The following CYTH4 variants were observed in gnomAD, a reference collection of about 807,000 sequenced individuals.
CYTH4 encodes the protein cytohesin 4.
CYTH4 carries 22 observed loss-of-function variants against 57.5 expected under a neutral mutation model. That is an observed-to-expected ratio of 0.38 (90% CI 0.27 to 0.55). The LOEUF (loss-of-function observed/expected upper bound fraction) is 0.55. Ranked by LOEUF, CYTH4 falls within the 20% of genes least tolerant of loss-of-function variation. The pLI, the probability that CYTH4 is intolerant of heterozygous loss-of-function variation, is 0.74. For missense variants in CYTH4, 420 were observed against 535.6 expected (o/e 0.78, Z 2.13); for synonymous variants, 186 against 206.5 (o/e 0.90, Z 0.85).
chr22:37,308,848 A>G (rs767215678), intron 8 of CYTH4, among the ~76,000 whole-genome samples: 1 of 148,958 alleles, frequency 6.7e-6, no homozygotes, highest in Non-Finnish European at 1.5e-5. Flanking sequence ...GTGTGCCTGC[A>G]TGTGTGTGAA....
chr22:37,296,012 A>T lies in CYTH4; in HGVS notation c.181A>T (p.Lys61Ter). ...ESAEESRMAQ[K>*]EKELCIGRKK... Reference sequence around the variant, plus strand: ...TCATGTCCACAGCCGGATGGCCCAGAAGGAGAAGGAGCTGTGTATTGGGCG... The same window carrying T: ...TCATGTCCACAGCCGGATGGCCCAGTAGGAGAAGGAGCTGTGTATTGGGCG... Residue 61 changes from lysine to a stop codon, truncating the protein, a stop_gained, in exon 4 of 13, where the codon AAG becomes TAG. Coordinates refer to ENST00000248901, the MANE Select transcript of CYTH4 (RefSeq NM_013385.5). LOFTEE classifies it high-confidence loss of function. 1 of 1,613,236 alleles carries T rather than the reference A, an allele frequency of 6.2e-7. No homozygotes were observed. Among genetic ancestry groups the T allele is most frequent in the Non-Finnish European group, 8.5e-7 (1 of 1,179,582 alleles).
rs189881593 is a variant in CYTH4, at chr22:37,308,814, A to G, written c.697-398A>G. Among the ~76,000 whole-genome samples, 314 of 151,748 alleles carry G rather than the reference A, an allele frequency of 2.1e-3. 3 individuals carry two copies. The highest frequency in any genetic ancestry group is 7.2e-3 in the African/African-American group (296 of 41,384). On this transcript the variant is annotated intron_variant, in intron 8 of 12. Transcript: ENST00000248901. ...TGTGAACATGCATGTGTGTGCATGT[A>G]TGTGTGAGCATGCATTTATATAAGT...
In CYTH4 at chr22:37,292,631, G is replaced by T. The variant is rs778127039; in HGVS notation, c.30G>T (p.Glu10Asp). 6.2e-7 allele frequency: 1 copy of T among 1,613,898 alleles called. No homozygotes were observed. The highest frequency in any genetic ancestry group is 8.5e-7 in the Non-Finnish European group (1 of 1,179,950). The change falls in exon 2 of 13, where the codon GAG becomes GAT. Residue 10 changes from glutamate (E) to aspartate (D), a missense_variant. Physicochemically the swap from Glu to Asp is conservative, Grantham distance 45. Coordinates refer to ENST00000248901, the MANE Select transcript of CYTH4 (RefSeq NM_013385.5). MDLCHPEPA[E>D]LSSGETEELQ... is the part of the protein sequence containing the mutation. The stretch of plus-strand genomic sequence containing the variant: ...GTTGTCTCTCTGTAGAGCCCGCGGA[G>T]CTGAGCAGCGGGGAGACGGAAGAGT...
At position 37,298,030 on chromosome 22, in the gene CYTH4, G is replaced by C; in HGVS notation, c.353+348G>C. On this transcript the variant is annotated intron_variant, in intron 5 of 12. Coordinates refer to ENST00000248901, the MANE Select transcript of CYTH4 (RefSeq NM_013385.5). The surrounding 1 kb of genome is among the most constrained non-coding windows in gnomAD (Gnocchi z 4.1). ...ATAGTTGTAAAATATGTTAGAGAAT[G>C]ATAAGCTCTGTGGAATACAAATCGA... 1 of 198,438 alleles carries C rather than the reference G, an allele frequency of 5.0e-6. No homozygotes were observed. Among genetic ancestry groups the C allele is most frequent in the South Asian group, 7.6e-5 (1 of 13,210 alleles). The allele number at this position is 198,438 out of a possible 1,614,324, so 12.3% of individuals were successfully genotyped here.
chr22:37,292,874 C>A (rs1928802467), intron 2 of CYTH4, among the ~76,000 whole-genome samples, 171 bp downstream of exon 2: 2 of 152,162 alleles, frequency 1.3e-5, no homozygotes, highest in Non-Finnish European at 2.9e-5. Flanking sequence ...ACTGCAGACA[C>A]CCCGAGACCC....
chr22:37,308,696 ATG>A (rs368870325), intron 8 of CYTH4, among the ~76,000 whole-genome samples: 30 of 137,640 alleles, frequency 2.2e-4, no homozygotes, highest in South Asian at 9.8e-4. Flanking sequence ...GTATGCATGT[ATG>A]TGTGAGCATG....
intron 8 of CYTH4, among the ~76,000 whole-genome samples, chr22:37,308,265 G>A (rs1005629365): frequency 1.3e-5 from 2 of 152,216 alleles, no homozygotes; most frequent in African/African-American, 2.4e-5. Context: ...TTTTGCCAAG[G>A]TTGCTGTGCC....
intron 1 of CYTH4, among the ~76,000 whole-genome samples, chr22:37,286,114 G>C (rs1225735017): frequency 6.6e-6 from 1 of 152,274 alleles, no homozygotes; most frequent in Admixed American, 6.5e-5. Flanking sequence ...GTTGGGTGGG[G>C]GCAACTGCAG....
At chr22:37,300,282 T>C (rs1463199883) in intron 6 of CYTH4, 1 of 714,178 alleles carries the variant, frequency 1.4e-6, no homozygotes, top group Non-Finnish European at 2.6e-6. Flanking sequence ...GTAGGTGACT[T>C]GGGAGTCTCC....
In CYTH4 at chr22:37,311,356, C is replaced by T. The variant is rs1052109644; in HGVS notation, c.886-100C>T. On this transcript the variant is annotated intron_variant, in intron 10 of 12. Transcript: ENST00000248901. This position sits in a 1 kb window ranked among gnomAD's most constrained non-coding sequence, Gnocchi z 4.4. ...ACTGGACAGTCTCGGAAGATGAGCA[C>T]GCTCCTCTTTGAGTTTGGGGAACCC... 24 of 1,047,054 alleles carry T rather than the reference C, an allele frequency of 2.3e-5. No individual in the cohort carries two copies. Among genetic ancestry groups the T allele is most frequent in the Middle Eastern group, 2.0e-4 (1 of 4,914 alleles). The allele number at this position is 1,047,054 out of a possible 1,614,324, so 64.9% of individuals were successfully genotyped here. A position where few individuals can be genotyped will look rare whatever the true frequency, so the allele number is the denominator to read the frequency against.
At position 37,303,325 on chromosome 22, in the gene CYTH4, A is replaced by G. The variant is rs1929258792; in HGVS notation, c.619A>G (p.Arg207Gly). The change falls in exon 8 of 13, where the codon AGG becomes GGG. Residue 207 changes from arginine (R) to glycine (G), a missense_variant. Coordinates refer to ENST00000248901, the MANE Select transcript of CYTH4 (RefSeq NM_013385.5). ...CCTCCACAATCCCAACGTCCGGGAC[A>G]GGCCGCCTTTTGAGCGCTTTGTGTC... ...TSLHNPNVRDRPPFERFVSMN... is the reference protein window; with the variant it reads ...TSLHNPNVRDGPPFERFVSMN... 1 of 1,614,090 alleles carries G rather than the reference A, an allele frequency of 6.2e-7. No individual in the cohort carries two copies.
In CYTH4 at chr22:37,313,617, T is replaced by A. The variant is rs912767965; in HGVS notation, c.*106T>A. 13 of 1,020,630 alleles carry A rather than the reference T, an allele frequency of 1.3e-5. No individual in the cohort carries two copies. Among genetic ancestry groups the A allele is most frequent in the Admixed American group, 5.7e-5 (3 of 52,360 alleles). 63.2% of individuals were successfully genotyped at this position (1,020,630 alleles called of 1,614,324 possible). A position where few individuals can be genotyped will look rare whatever the true frequency, so the allele number is the denominator to read the frequency against. ...AGTGCACTCTTTTGGGCCACAGACA[T>A]CATTGCTGTTCCCCGTTACCTCGAG... On this transcript the variant is annotated 3_prime_UTR_variant, in exon 13 of 13. Coordinates refer to ENST00000248901, the MANE Select transcript of CYTH4 (RefSeq NM_013385.5).
At chr22:37,309,576 ACAGAC>A (rs1929560999) in intron 9 of CYTH4, among the ~76,000 whole-genome samples, 1 of 152,176 alleles carries the variant, frequency 6.6e-6, no homozygotes, top group African/African-American at 2.4e-5. Flanking sequence ...CGAGAGGCAG[ACAGAC>A]CCACTGACAA....
intron 2 of CYTH4, among the ~76,000 whole-genome samples, chr22:37,294,307 T>G (rs924553113): frequency 1.2e-4 from 18 of 149,500 alleles, no homozygotes; most frequent in African/African-American, 4.0e-4. Context: ...GCTTGTCGGG[T>G]AGGCTCGGCT....
intron 5 of CYTH4, chr22:37,297,955 CA>C: frequency 3.5e-6 from 1 of 286,340 alleles, no homozygotes; most frequent in East Asian, 7.6e-5. Context: ...ATAAGACAGA[CA>C]AAACTCTTGT....
chr22:37,311,200 AC>A lies in CYTH4; in HGVS notation c.885+137del. On this transcript the variant is annotated intron_variant, in intron 10 of 12. Coordinates refer to ENST00000248901, the MANE Select transcript of CYTH4 (RefSeq NM_013385.5). The surrounding 1 kb of genome is among the most constrained non-coding windows in gnomAD (Gnocchi z 4.4). ...TTCAGTCCCCCTCCATGCCCATTTTACAGATGGGGAAAACGGGTACACAGAG... is the reference window on the plus strand; with the variant it reads ...TTCAGTCCCCCTCCATGCCCATTTTAAGATGGGGAAAACGGGTACACAGAG... 9.4e-7 allele frequency: 1 copy of A among 1,058,846 alleles called. No homozygotes were observed. Among genetic ancestry groups the A allele is most frequent in the Non-Finnish European group, 1.4e-6 (1 of 706,764 alleles). 65.6% of individuals were successfully genotyped at this position (1,058,846 alleles called of 1,614,324 possible). A position where few individuals can be genotyped will look rare whatever the true frequency, so the allele number is the denominator to read the frequency against.
At chr22:37,285,949 G>C (rs190361314) in intron 1 of CYTH4, among the ~76,000 whole-genome samples, 1 of 152,102 alleles carries the variant, frequency 6.6e-6, no homozygotes. Context: ...ACAGGGGACT[G>C]AGGATTCACG....
intron 6 of CYTH4, chr22:37,300,037 A>G (rs1415825635): frequency 1.4e-6 from 1 of 717,138 alleles, no homozygotes. Flanking sequence ...CCTCATCCGT[A>G]GAATGGGGAT....
chr22:37,314,748 C>T lies in CYTH4; in HGVS notation c.*1237C>T, dbSNP rs1340844713. 8.5e-6 allele frequency: 2 copies of T among 236,604 alleles called. No homozygotes were observed. Among genetic ancestry groups the T allele is most frequent in the Middle Eastern group, 1.3e-3 (1 of 796 alleles). 14.7% of individuals were successfully genotyped at this position (236,604 alleles called of 1,614,324 possible). ...CACTTCTCACCCCCTCACACAGGCCCAGGGGAGCCCCTGGAGGGAAATTCC... is the reference window on the plus strand; with the variant it reads ...CACTTCTCACCCCCTCACACAGGCCTAGGGGAGCCCCTGGAGGGAAATTCC... On this transcript the variant is annotated 3_prime_UTR_variant, in exon 13 of 13. Coordinates refer to ENST00000248901, the MANE Select transcript of CYTH4 (RefSeq NM_013385.5).
Sources: gnomAD v4.1 joint callset for allele counts (sites outside exome capture counted in the v4.1 genomes callset) on GRCh38, gnomAD v4.1.1 for gene constraint, Gnocchi (gnomAD v3.1) non-coding constraint, MANE v1.5 for transcripts, NCBI Gene and HGNC (gene_info 2026-07-23, HGNC 2026-07-21) for gene names.